Variants in RNF180 observed in about 807,000 individuals in gnomAD.
RNF180 encodes ring finger protein 180.
RNF180 carries 38 observed loss-of-function variants against 59.2 expected under a neutral mutation model. That is an observed-to-expected ratio of 0.64 (90% CI 0.50 to 0.84). The LOEUF (loss-of-function observed/expected upper bound fraction) is 0.84, where lower values mean the gene tolerates loss of function less well. RNF180 is among the 40% of genes least tolerant of loss of function. The probability of loss-of-function intolerance (pLI) is 0.00; values close to 1 mark genes in which losing one functional copy is unlikely to be tolerated. For missense variants in RNF180, 705 were observed against 700.9 expected, an observed-to-expected ratio of 1.01 and a Z score of -0.07; for synonymous variants, 262 against 240.3, an observed-to-expected ratio of 1.09 and a Z score of -0.84.
chr5:64,298,748 G>A (rs1000383087), intron 5 of RNF180, among the ~76,000 whole-genome samples: 44 of 152,006 alleles, frequency 2.9e-4, no homozygotes, highest in Admixed American at 2.8e-3. Flanking sequence ...CTGAACCAGA[G>A]CAGGTTCAAA....
intron 5 of RNF180, among the ~76,000 whole-genome samples, chr5:64,223,865 G>C (rs1741502944): frequency 6.6e-6 from 1 of 152,108 alleles, no homozygotes; most frequent in Non-Finnish European, 1.5e-5. Context: ...GTAGAGGGGG[G>C]GAGACACGTG....
Position 64,343,350 on chromosome 5 carries a change from AT to A in RNF180, c.1579+12945del, listed in dbSNP as rs1419485521. On this transcript the variant is annotated intron_variant, in intron 7 of 7. Transcript: ENST00000389100. Reference sequence around the variant, plus strand: ...AATAGCTGAATTAAGAACATATGATATGGCTTTAACAGCAGACTATGTGGGA... The same window carrying A: ...AATAGCTGAATTAAGAACATATGATAGGCTTTAACAGCAGACTATGTGGGA... 9.9e-5 allele frequency among the ~76,000 whole-genome samples: 15 copies of A among 152,272 alleles called. No homozygotes were observed. The East Asian group carries it at 2.1e-3, about 22-fold the overall frequency.
chr5:64,196,607 G>A (rs1751470192), intron 1 of RNF180, among the ~76,000 whole-genome samples: 1 of 151,912 alleles, frequency 6.6e-6, no homozygotes, highest in Non-Finnish European at 1.5e-5. Context: ...TGGTCAAAAT[G>A]TATTATTATT....
Position 64,181,054 on chromosome 5 carries a change from G to A in RNF180, c.-1+15101G>A, listed in dbSNP as rs538825104. 1.1e-4 allele frequency among the ~76,000 whole-genome samples: 16 copies of A among 152,322 alleles called. No homozygotes were observed. In the South Asian group the frequency reaches 3.3e-3, roughly 32 times the overall value. On this transcript the variant is annotated intron_variant, in intron 1 of 7. Transcript: ENST00000389100. ...GAGTCCAAAAGCTGAAGAACTTGGA[G>A]TCTGATGTTCGAGGGTAGGAAGTAT...
Position 64,217,270 on chromosome 5 carries a change from G to A in RNF180, c.1192-91G>A, listed in dbSNP as rs948104742. ...TCCATTCAGCTGCTGAAGGACAAGT[G>A]GATTGTTTTAGGTTTTGCAAATTAT... On this transcript the variant is annotated intron_variant, in intron 4 of 7. Coordinates refer to ENST00000389100, the MANE Select transcript of RNF180 (RefSeq NM_001113561.2). The A allele has an allele frequency of 1.2e-5, 15 of 1,287,128 alleles. No individual in the cohort carries two copies. In the African/African-American group the frequency reaches 2.3e-4, roughly 20 times the overall value. The allele number at this position is 1,287,128 out of a possible 1,614,324, so 79.7% of individuals were successfully genotyped here.
chr5:64,280,086 C>A (rs1327574085), intron 5 of RNF180, among the ~76,000 whole-genome samples: 1 of 152,128 alleles, frequency 6.6e-6, no homozygotes, highest in East Asian at 1.9e-4. Flanking sequence ...TAATGTTGAA[C>A]ATTTTTTTTC....
intron 5 of RNF180, among the ~76,000 whole-genome samples, chr5:64,287,959 A>G (rs991367317): frequency 6.6e-6 from 1 of 152,158 alleles, no homozygotes; most frequent in Non-Finnish European, 1.5e-5. Context: ...TGGCATTTTC[A>G]TCATGAAATC....
At chr5:64,249,283 A>T (rs1212166496) in intron 5 of RNF180, among the ~76,000 whole-genome samples, 1 of 152,128 alleles carries the variant, frequency 6.6e-6, no homozygotes, top group Non-Finnish European at 1.5e-5. Context: ...CACTGTCAAA[A>T]CTTAAAGACA....
In RNF180 at chr5:64,184,576, C is replaced by G. The variant is rs530057494; in HGVS notation, c.1-16232C>G. On this transcript the variant is annotated intron_variant, in intron 1 of 7. Transcript: ENST00000389100. ...GGTACAATAACTGCTTGATTGGATT[C>G]TTTCTCTTTTTAAATTCATTTTTAG... Among the ~76,000 whole-genome samples, 15 of 152,250 alleles carry G rather than the reference C, an allele frequency of 9.9e-5. 2 individuals carry two copies. Among genetic ancestry groups the G allele is most frequent in the African/African-American group, 3.6e-4 (15 of 41,558 alleles).
At chr5:64,304,926 A>C (rs548037086) in intron 5 of RNF180, among the ~76,000 whole-genome samples, 1 of 151,772 alleles carries the variant, frequency 6.6e-6, no homozygotes, top group African/African-American at 2.4e-5. Context: ...TTCCTCCAGC[A>C]ACCACCACCC....
chr5:64,264,707 C>T (rs1300025780), intron 5 of RNF180, among the ~76,000 whole-genome samples: 2 of 152,000 alleles, frequency 1.3e-5, no homozygotes, highest in East Asian at 3.9e-4. Context: ...GCATATGTCT[C>T]TATAGTAGAA....
intron 1 of RNF180, among the ~76,000 whole-genome samples, chr5:64,166,920 C>T (rs1749671886): frequency 6.6e-6 from 1 of 152,174 alleles, no homozygotes; most frequent in Non-Finnish European, 1.5e-5. Flanking sequence ...TTTTTATATA[C>T]TCATTAATTG....
intron 5 of RNF180, among the ~76,000 whole-genome samples, chr5:64,232,696 G>C (rs1021581022): frequency 1.3e-5 from 2 of 152,166 alleles, no homozygotes; most frequent in Non-Finnish European, 2.9e-5. Context: ...TTACGTGGGA[G>C]TCAAAAGAAT....
intron 5 of RNF180, among the ~76,000 whole-genome samples, chr5:64,227,587 A>G (rs6878598): frequency 0.29 from 43,441 of 152,140 alleles, 6,437 homozygotes; most frequent in African/African-American, 0.35. Context: ...TCCTTGACAC[A>G]GTGCTAACAC....
chr5:64,218,435 G>A (rs1226453322), intron 5 of RNF180, among the ~76,000 whole-genome samples: 1 of 152,150 alleles, frequency 6.6e-6, no homozygotes, highest in East Asian at 1.9e-4. Flanking sequence ...GTCTGAAAAT[G>A]TGTGGGTATA....
chr5:64,236,411 T>C (rs914906965), intron 5 of RNF180, among the ~76,000 whole-genome samples: 2 of 152,226 alleles, frequency 1.3e-5, no homozygotes, highest in Admixed American at 1.3e-4. Flanking sequence ...TGGTTTATTC[T>C]GAAAGTGTTC....
intron 5 of RNF180, among the ~76,000 whole-genome samples, chr5:64,264,014 T>G (rs1744512470): frequency 6.6e-6 from 1 of 152,192 alleles, no homozygotes; most frequent in Non-Finnish European, 1.5e-5. Flanking sequence ...ACCTAGTGTT[T>G]GCTGTGGCCT....
At chr5:64,199,092 A>G (rs763416743) in intron 1 of RNF180, among the ~76,000 whole-genome samples, 2 of 152,156 alleles carry the variant, frequency 1.3e-5, no homozygotes, top group Non-Finnish European at 2.9e-5. Context: ...TGCTGGGATT[A>G]CGGGCGTGAG....
Position 64,246,878 on chromosome 5 carries a change from G to A in RNF180, c.1227+29482G>A, listed in dbSNP as rs143132717. On this transcript the variant is annotated intron_variant, in intron 5 of 7. Coordinates refer to ENST00000389100, the MANE Select transcript of RNF180 (RefSeq NM_001113561.2). ...ATCCTCAATAATATACTGGTAAACCGGAATCAGCAGCACATCAAAAAGCTT... is the reference window on the plus strand; with the variant it reads ...ATCCTCAATAATATACTGGTAAACCAGAATCAGCAGCACATCAAAAAGCTT... 2.4e-4 allele frequency among the ~76,000 whole-genome samples: 36 copies of A among 152,168 alleles called. No individual in the cohort carries two copies. The East Asian group carries it at 4.8e-3, about 20-fold the overall frequency.
Sources: gnomAD v4.1 joint callset for allele counts (sites outside exome capture counted in the v4.1 genomes callset) on GRCh38, gnomAD v4.1.1 for gene constraint, MANE v1.5 for transcripts, NCBI Gene and HGNC (gene_info 2026-07-23, HGNC 2026-07-21) for gene names.